UNC13C: variants seen among roughly 807,000 people sequenced by gnomAD.
UNC13C encodes the protein unc-13 homolog C, also known as protein unc-13 homolog C.
UNC13C carries 174 observed loss-of-function variants against 245.4 expected under a neutral mutation model. The observed-to-expected ratio is 0.71, with a 90% CI of 0.63 to 0.80. The LOEUF is 0.80. UNC13C is among the 30% of genes least tolerant of loss of function. UNC13C has a pLI of 0.00. For synonymous variants in UNC13C, 992 were observed against 895.1 expected (o/e 1.11, Z -1.93); for missense variants, 2,829 against 2,602.9 (o/e 1.09, Z -1.89).
chr15:54,535,012 A>C (rs779514490), intron 26 of UNC13C, among the ~76,000 whole-genome samples: 2 of 152,168 alleles, frequency 1.3e-5, no homozygotes, highest in Admixed American at 6.5e-5. Flanking sequence ...AAGTCTGCAT[A>C]ACAACCAGCT....
At chr15:54,058,913 G>C (rs9744992) in intron 2 of UNC13C, among the ~76,000 whole-genome samples, 11 of 152,074 alleles carry the variant, frequency 7.2e-5, no homozygotes, top group East Asian at 5.8e-4. Flanking sequence ...ATTCAACAAC[G>C]CTTCATGCTA....
At chr15:54,551,328 C>A (rs1204336123) in intron 28 of UNC13C, among the ~76,000 whole-genome samples, 1 of 152,032 alleles carries the variant, frequency 6.6e-6, no homozygotes, top group Non-Finnish European at 1.5e-5. Context: ...ACAGCAAAGT[C>A]TCCTGGAATA....
chr15:54,402,145 C>G (rs901386639), intron 18 of UNC13C, among the ~76,000 whole-genome samples: 4 of 151,490 alleles, frequency 2.6e-5, no homozygotes, highest in Non-Finnish European at 5.9e-5. Flanking sequence ...ATCAGTTTTG[C>G]AGACCTGCAG....
intron 2 of UNC13C, among the ~76,000 whole-genome samples, chr15:54,075,141 T>C (rs976272139): frequency 2.6e-5 from 4 of 152,062 alleles, no homozygotes; most frequent in Non-Finnish European, 5.9e-5. Context: ...GGAAAGGGTG[T>C]ATGTCAATGA....
intron 2 of UNC13C, among the ~76,000 whole-genome samples, chr15:54,023,826 CA>C (rs1213130476): frequency 2.6e-5 from 4 of 152,094 alleles, no homozygotes; most frequent in Non-Finnish European, 5.9e-5. Context: ...AATGTTGTTG[CA>C]AAGTGTACAA....
At chr15:54,484,653 C>A (rs1332677186) in intron 19 of UNC13C, among the ~76,000 whole-genome samples, 1 of 152,086 alleles carries the variant, frequency 6.6e-6, no homozygotes, top group Admixed American at 6.5e-5. Flanking sequence ...ATCACTTGGG[C>A]CCATCTCCTT....
chr15:54,174,273 T>C (rs575518121), intron 4 of UNC13C, among the ~76,000 whole-genome samples: 26 of 152,292 alleles, frequency 1.7e-4, no homozygotes, highest in Non-Finnish European at 3.4e-4. Flanking sequence ...TGTTTTCTCC[T>C]TAAGTGAGAT....
chr15:54,043,973 C>G (rs1348185690), intron 2 of UNC13C, among the ~76,000 whole-genome samples: 2 of 152,036 alleles, frequency 1.3e-5, no homozygotes, highest in Non-Finnish European at 2.9e-5. Flanking sequence ...AAATAAAATT[C>G]AATAATTTTT....
intron 2 of UNC13C, among the ~76,000 whole-genome samples, chr15:54,059,224 C>A (rs1897687704): frequency 6.8e-6 from 1 of 146,380 alleles, no homozygotes; most frequent in Non-Finnish European, 1.5e-5. Flanking sequence ...CCATTAGCCT[C>A]AGCCCAAAAT....
chr15:54,593,896 A>G (rs543509270), intron 30 of UNC13C, among the ~76,000 whole-genome samples: 1 of 152,150 alleles, frequency 6.6e-6, no homozygotes, highest in South Asian at 2.1e-4. Flanking sequence ...GGGCATGTTG[A>G]CCAGTCTTGT....
chr15:54,228,790 A>G (rs2035467132), intron 4 of UNC13C, among the ~76,000 whole-genome samples: 1 of 152,084 alleles, frequency 6.6e-6, no homozygotes. Flanking sequence ...GAAAGTGTCT[A>G]TCCCAGACCT....
chr15:53,964,991 A>G, the UNC13C span, among the ~76,000 whole-genome samples: 1 of 152,176 alleles, frequency 6.6e-6, no homozygotes, highest in African/African-American at 2.4e-5. Context: ...CAGAAAAACA[A>G]TGTTAATGAT....
At chr15:54,497,899 A>G (rs1894027358) in intron 20 of UNC13C, among the ~76,000 whole-genome samples, 2 of 152,084 alleles carry the variant, frequency 1.3e-5, no homozygotes, top group African/African-American at 4.8e-5. Flanking sequence ...AAATAGACCA[A>G]CCTAAAACCC....
intron 14 of UNC13C, among the ~76,000 whole-genome samples, chr15:54,327,588 A>T (rs1436433936): frequency 6.6e-6 from 1 of 152,078 alleles, no homozygotes; most frequent in Non-Finnish European, 1.5e-5. Context: ...TTTATTCAAG[A>T]CTATTGCAAT....
intron 4 of UNC13C, among the ~76,000 whole-genome samples, chr15:54,196,073 T>C (rs567660012): frequency 3.9e-5 from 6 of 152,132 alleles, no homozygotes; most frequent in Non-Finnish European, 8.8e-5. Flanking sequence ...CAGATTATGT[T>C]TTACCATGTG....
At chr15:54,025,908 C>T (rs1434197548) in intron 2 of UNC13C, among the ~76,000 whole-genome samples, 1 of 152,092 alleles carries the variant, frequency 6.6e-6, no homozygotes, top group Non-Finnish European at 1.5e-5. Context: ...ATATAATCTT[C>T]TTATTTCCCA....
At chr15:54,150,257 T>A (rs1290551997) in intron 4 of UNC13C, among the ~76,000 whole-genome samples, 8 of 152,216 alleles carry the variant, frequency 5.3e-5, no homozygotes, top group Admixed American at 5.2e-4. Flanking sequence ...ATAAGTTGAT[T>A]TGCTTAAATT....
At chr15:53,877,583 G>A in the UNC13C span, among the ~76,000 whole-genome samples, 1 of 152,110 alleles carries the variant, frequency 6.6e-6, no homozygotes, top group Admixed American at 6.6e-5. Context: ...GAGAGAGAGA[G>A]AGAGAAGGAG....
intron 30 of UNC13C, among the ~76,000 whole-genome samples, chr15:54,603,639 A>G (rs1365437479): frequency 6.6e-6 from 1 of 152,170 alleles, no homozygotes; most frequent in Admixed American, 6.5e-5. Flanking sequence ...AGGCAGGCAG[A>G]TCACTTGAGG....
Sources: allele counts gnomAD v4.1 joint callset (sites outside exome capture counted in the v4.1 genomes callset), GRCh38; gene constraint gnomAD v4.1.1; transcripts MANE v1.5; gene names NCBI Gene and HGNC (gene_info 2026-07-23, HGNC 2026-07-21).